NELL1: variants seen among roughly 807,000 people sequenced by gnomAD.
The protein encoded by NELL1 is protein kinase C-binding protein NELL1.
Under a neutral mutation model 107.4 loss-of-function variants are expected in NELL1, and 76 were observed. The observed-to-expected ratio is 0.71, with a 90% confidence interval of 0.59 to 0.86. The LOEUF (loss-of-function observed/expected upper bound fraction) is 0.86. Among genes scored for constraint, NELL1 ranks in the 40% least tolerant of loss-of-function variants. NELL1 has a pLI of 0.00. For synonymous variants in NELL1, 353 were observed against 341.2 expected, an observed-to-expected ratio of 1.03 and a Z score of -0.38; for missense variants, 1,024 against 1,005.5, an observed-to-expected ratio of 1.02 and a Z score of -0.25.
intron 3 of NELL1, among the ~76,000 whole-genome samples, chr11:20,805,688 G>A (rs1857368266): frequency 6.6e-6 from 1 of 152,120 alleles, no homozygotes; most frequent in African/African-American, 2.4e-5. Context: ...ATTTTTAGTA[G>A]AGATGGCATT....
intron 3 of NELL1, among the ~76,000 whole-genome samples, chr11:20,836,853 C>A (rs2134044428): frequency 6.6e-6 from 1 of 152,020 alleles, no homozygotes; most frequent in East Asian, 1.9e-4. Flanking sequence ...GGCAGTGGAA[C>A]TATTGGGTGT....
chr11:21,543,250 G>A (rs1193443243), intron 16 of NELL1, among the ~76,000 whole-genome samples: 1 of 152,040 alleles, frequency 6.6e-6, no homozygotes, highest in Non-Finnish European at 1.5e-5. Context: ...TTTCCAAAGA[G>A]CTTTACACAC....
intron 2 of NELL1, among the ~76,000 whole-genome samples, chr11:20,734,936 T>A (rs866445942): frequency 1.3e-5 from 2 of 152,114 alleles, no homozygotes; most frequent in African/African-American, 4.8e-5. Context: ...TTAGAAACTT[T>A]GGGGGTGGGG....
intron 7 of NELL1, among the ~76,000 whole-genome samples, chr11:20,924,963 C>T (rs1850459419): frequency 6.6e-6 from 1 of 152,106 alleles, no homozygotes; most frequent in Non-Finnish European, 1.5e-5. Flanking sequence ...TTTCCATGTA[C>T]CGAGTACTGC....
chr11:20,945,346 C>A (rs1488248786), intron 10 of NELL1, among the ~76,000 whole-genome samples: 1 of 152,206 alleles, frequency 6.6e-6, no homozygotes, highest in African/African-American at 2.4e-5. Context: ...AAAGAATATC[C>A]CATACCATTC....
intron 3 of NELL1, among the ~76,000 whole-genome samples, chr11:20,821,479 A>G (rs1857751670): frequency 1.3e-5 from 2 of 152,206 alleles, no homozygotes; most frequent in Non-Finnish European, 2.9e-5. Flanking sequence ...AGCTCCTTAT[A>G]TGAAGTACAC....
rs143991692 is a variant in NELL1, at chr11:20,895,798, G to T, written c.603+10258G>T. Among the ~76,000 whole-genome samples, 106 of 152,140 alleles carry T rather than the reference G, an allele frequency of 7.0e-4. 1 individual carries two copies. Among genetic ancestry groups the T allele is most frequent in the African/African-American group, 2.4e-3 (101 of 41,502 alleles). On this transcript the variant is annotated intron_variant, in intron 5 of 19. Transcript: ENST00000357134. ...TGGGATTACAGGCCTGAGCCACTGC[G>T]CCTGGCCAGATACTTGCCTTTTTTA...
intron 13 of NELL1, among the ~76,000 whole-genome samples, chr11:21,210,910 C>A (rs58695140): frequency 0.16 from 24,266 of 152,024 alleles, 3,073 homozygotes; most frequent in African/African-American, 0.35. Flanking sequence ...CTTCTGATAC[C>A]AAAGCTTTTT....
rs557441504 is a variant in NELL1, at chr11:21,575,179, C to T, written c.*157C>T. The T allele has an allele frequency of 3.5e-5, 23 of 658,534 alleles. No homozygotes were observed. In the African/African-American group the frequency reaches 4.0e-4, roughly 11 times the overall value. 40.8% of individuals were successfully genotyped at this position (658,534 alleles called of 1,614,324 possible). ...CCTGAGGACGGTGTTTGGAGGTTGCCTTTTGGACCTACCACTTTGCTCATT... is the reference window on the plus strand; with the variant it reads ...CCTGAGGACGGTGTTTGGAGGTTGCTTTTTGGACCTACCACTTTGCTCATT... On this transcript the variant is annotated 3_prime_UTR_variant, in exon 20 of 20. Transcript: ENST00000357134.
At chr11:21,454,905 T>C (rs1853686936) in intron 15 of NELL1, among the ~76,000 whole-genome samples, 1 of 152,246 alleles carries the variant, frequency 6.6e-6, no homozygotes, top group Non-Finnish European at 1.5e-5. Flanking sequence ...CAATGGGAGT[T>C]AAGGCTTCAA....
chr11:21,417,363 C>G (rs56898681), intron 15 of NELL1, among the ~76,000 whole-genome samples: 11,478 of 151,696 alleles, frequency 0.076, 1,407 homozygotes, highest in African/African-American at 0.26. Flanking sequence ...TACTAGGAAT[C>G]TTTTTATTCA....
chr11:21,557,556 A>G (rs1253047203), intron 16 of NELL1, among the ~76,000 whole-genome samples: 1 of 152,014 alleles, frequency 6.6e-6, no homozygotes, highest in Admixed American at 6.6e-5. Context: ...TTCTGGAGCC[A>G]TTTGTTAATG....
intron 12 of NELL1, among the ~76,000 whole-genome samples, chr11:21,017,292 G>T (rs1168360577): frequency 6.6e-6 from 1 of 152,120 alleles, no homozygotes; most frequent in Non-Finnish European, 1.5e-5. Flanking sequence ...AGAATGACTT[G>T]TTTGCTGCTG....
At chr11:20,920,032 A>G (rs369216091) in intron 7 of NELL1, among the ~76,000 whole-genome samples, 1 of 152,148 alleles carries the variant, frequency 6.6e-6, no homozygotes, top group East Asian at 1.9e-4. Context: ...AAATGTGTAA[A>G]CAACTAAGGG....
At chr11:21,012,223 T>C (rs186846997) in intron 12 of NELL1, among the ~76,000 whole-genome samples, 229 of 152,290 alleles carry the variant, frequency 1.5e-3, no homozygotes, top group African/African-American at 5.1e-3. Flanking sequence ...TACAGCATCC[T>C]GGCCTTGCAC....
At chr11:20,969,351 A>G (rs967478003) in intron 12 of NELL1, among the ~76,000 whole-genome samples, 26 of 152,214 alleles carry the variant, frequency 1.7e-4, no homozygotes, top group Non-Finnish European at 1.5e-5. Context: ...AAAGCAATTC[A>G]TGGAACAAGC....
intron 12 of NELL1, among the ~76,000 whole-genome samples, chr11:21,113,063 T>A (rs1855145072): frequency 6.6e-6 from 1 of 151,970 alleles, no homozygotes; most frequent in African/African-American, 2.4e-5. Flanking sequence ...ATGAGAGACA[T>A]TAATTTGCAT....
At chr11:20,700,733 C>T (rs1218807183) in intron 2 of NELL1, among the ~76,000 whole-genome samples, 3 of 152,030 alleles carry the variant, frequency 2.0e-5, no homozygotes, top group Non-Finnish European at 4.4e-5. Flanking sequence ...TGTTCAATTC[C>T]CACCTCTGAG....
chr11:20,732,076 G>C (rs1855658941), intron 2 of NELL1, among the ~76,000 whole-genome samples: 1 of 152,086 alleles, frequency 6.6e-6, no homozygotes, highest in South Asian at 2.1e-4. Flanking sequence ...TTTCTGCTGG[G>C]CTTGTTCAGG....
Sources: gnomAD v4.1 joint callset for allele counts (sites outside exome capture counted in the v4.1 genomes callset) on GRCh38, gnomAD v4.1.1 for gene constraint, MANE v1.5 for transcripts, NCBI Gene and HGNC (gene_info 2026-07-23, HGNC 2026-07-21) for gene names.